PTPRN2: variants seen among roughly 807,000 people sequenced by gnomAD.
PTPRN2 encodes protein tyrosine phosphatase receptor type N2.
In PTPRN2, 74 loss-of-function variants were observed where a neutral mutation model predicts 118.8. The observed-to-expected ratio is 0.62, with a 90% CI of 0.52 to 0.76. PTPRN2 has a LOEUF of 0.76. Among genes scored for constraint, PTPRN2 ranks in the 30% least tolerant of loss-of-function variants. The pLI is 0.00. For synonymous variants in PTPRN2, 641 were observed against 608.0 expected (o/e 1.05, Z -0.80); for missense variants, 1,481 against 1,394.4 (o/e 1.06, Z -0.99).
chr7:158,460,397 A>G (rs376731433), intron 2 of PTPRN2, among the ~76,000 whole-genome samples: 41 of 32,224 alleles, frequency 1.3e-3, no homozygotes, highest in Middle Eastern at 0.026. Context: ...GCTGTGTGCC[A>G]TGAGCACAGG....
At chr7:158,166,370 C>G (rs74674657) in intron 6 of PTPRN2, among the ~76,000 whole-genome samples, 1 of 28,716 alleles carries the variant, frequency 3.5e-5, no homozygotes, top group Non-Finnish European at 8.0e-5. Context: ...CACTGGCCGC[C>G]GCGTTCCCTG....
chr7:158,154,694 C>A (rs1339480446), intron 6 of PTPRN2, among the ~76,000 whole-genome samples: 1 of 152,136 alleles, frequency 6.6e-6, no homozygotes, highest in Non-Finnish European at 1.5e-5. Flanking sequence ...CCAAAAACTA[C>A]TTCCCCTCAT....
intron 12 of PTPRN2, chr7:157,865,122 C>T: frequency 6.6e-6 from 1 of 152,466 alleles, no homozygotes; most frequent in Non-Finnish European, 1.5e-5. Flanking sequence ...GCGGTGCACT[C>T]CCTGGGTCTG....
chr7:157,795,090 A>C (rs1036517000), intron 12 of PTPRN2, among the ~76,000 whole-genome samples: 4 of 135,094 alleles, frequency 3.0e-5, no homozygotes, highest in African/African-American at 1.1e-4. Flanking sequence ...TCACCTGTGC[A>C]CCTGGGAGGC....
intron 3 of PTPRN2, among the ~76,000 whole-genome samples, chr7:158,215,245 T>A (rs188297701): frequency 6.6e-6 from 1 of 152,180 alleles, no homozygotes; most frequent in Non-Finnish European, 1.5e-5. Flanking sequence ...TGGATGCACA[T>A]AACAGAAGGA....
chr7:158,175,491 T>A (rs1010031181), intron 5 of PTPRN2, among the ~76,000 whole-genome samples: 2 of 152,214 alleles, frequency 1.3e-5, no homozygotes, highest in Non-Finnish European at 2.9e-5. Context: ...TGCCTCTGTC[T>A]CTGTCTTAAC....
chr7:158,523,220 T>C (rs1462556579), intron 1 of PTPRN2, among the ~76,000 whole-genome samples: 1 of 151,816 alleles, frequency 6.6e-6, no homozygotes, highest in Non-Finnish European at 1.5e-5. Flanking sequence ...AGCCCCAGTG[T>C]GACCAGGGGC....
chr7:158,274,243 C>T (rs1344684045), intron 3 of PTPRN2, among the ~76,000 whole-genome samples: 7 of 110,954 alleles, frequency 6.3e-5, no homozygotes, highest in East Asian at 2.7e-4. Context: ...GCCACAGACA[C>T]GGGAGCCGCA....
intron 12 of PTPRN2, among the ~76,000 whole-genome samples, chr7:157,833,506 GCC>G (rs386720212): frequency 0.044 from 6,609 of 149,378 alleles, 439 homozygotes; most frequent in East Asian, 0.15. Context: ...ATGCGACGTG[GCC>G]GGCGCCCATC....
intron 6 of PTPRN2, among the ~76,000 whole-genome samples, chr7:158,145,961 C>A (rs545676124): frequency 6.6e-6 from 1 of 152,160 alleles, no homozygotes; most frequent in Non-Finnish European, 1.5e-5. Context: ...AAAATGGTGA[C>A]AAGTGAGGCA....
chr7:158,265,813 C>A (rs1290024701), intron 3 of PTPRN2, among the ~76,000 whole-genome samples: 2 of 152,210 alleles, frequency 1.3e-5, no homozygotes, highest in African/African-American at 2.4e-5. Flanking sequence ...CCTGGCTCCC[C>A]ATCAGCAGGA....
chr7:158,547,395 C>A (rs1005920817), intron 1 of PTPRN2, among the ~76,000 whole-genome samples: 3 of 151,932 alleles, frequency 2.0e-5, no homozygotes, highest in Admixed American at 6.6e-5. Context: ...TACGTTGACT[C>A]CCCAGCCCCC....
intron 20 of PTPRN2, 111 bp downstream of exon 20, chr7:157,571,329 C>A (rs945178920): frequency 3.0e-5 from 25 of 833,714 alleles, no homozygotes; most frequent in African/African-American, 3.0e-4. Flanking sequence ...TTTAGAAGTG[C>A]CAGTTAGTTA....
rs1313061542 is a variant in PTPRN2, at chr7:157,615,817, A to G, written c.2344+5545T>C. 2.0e-5 allele frequency: 7 copies of G among 351,226 alleles called. No homozygotes were observed. The highest frequency in any genetic ancestry group is 1.1e-4 in the African/African-American group (5 of 45,530). The allele number at this position is 351,226 out of a possible 1,614,324, so 21.8% of individuals were successfully genotyped here. A position where few individuals can be genotyped will look rare whatever the true frequency, so the allele number is the denominator to read the frequency against. ...CTCCTGTTAAACTTGACTGTCACCA[A>G]CGGGGGGTGGGGGGTGCGCGAGGCC... On this transcript the variant is annotated intron_variant, in intron 15 of 22. Coordinates refer to ENST00000389418, the MANE Select transcript of PTPRN2 (RefSeq NM_002847.5). This position sits in a 1 kb window ranked among gnomAD's most constrained non-coding sequence, Gnocchi z 4.3.
At chr7:157,890,073 GTT>G (rs200464420) in intron 12 of PTPRN2, among the ~76,000 whole-genome samples, 6 of 145,330 alleles carry the variant, frequency 4.1e-5, no homozygotes, top group Non-Finnish European at 4.5e-5. Context: ...TTTTAAGTCA[GTT>G]TTTTTTTTTT....
chr7:158,424,166 G>A (rs539935532), intron 2 of PTPRN2, among the ~76,000 whole-genome samples: 1 of 152,118 alleles, frequency 6.6e-6, no homozygotes, highest in African/African-American at 2.4e-5. Context: ...TACACAAGGC[G>A]CATCCCACAG....
At chr7:157,580,504 G>GCACC (rs1800294949) in intron 17 of PTPRN2, among the ~76,000 whole-genome samples, 1 of 74,042 alleles carries the variant, frequency 1.4e-5, no homozygotes, top group African/African-American at 5.4e-5. Flanking sequence ...CCTGCACACC[G>GCACC]TGGCACCTGC....
intron 12 of PTPRN2, among the ~76,000 whole-genome samples, chr7:157,737,563 G>A (rs1330750540): frequency 6.6e-6 from 1 of 152,270 alleles, no homozygotes; most frequent in Non-Finnish European, 1.5e-5. Flanking sequence ...GCAGCAGCAA[G>A]TTCCCATCCC....
rs117708627 is a variant in PTPRN2 at position 157,763,978 on chromosome 7, G to A, written c.1789-81041C>T. On this transcript the variant is annotated intron_variant, in intron 12 of 22. Coordinates refer to ENST00000389418, the MANE Select transcript of PTPRN2 (RefSeq NM_002847.5). This position sits in a 1 kb window ranked among gnomAD's most constrained non-coding sequence, Gnocchi z 4.9. ...TGTTCGTTTGATCTTCATGATGTCC[G>A]TGAACACAGGGAAGCTTTAGTCGCA... 7.9e-5 allele frequency among the ~76,000 whole-genome samples: 12 copies of A among 152,264 alleles called. No individual in the cohort carries two copies. The East Asian group carries it at 1.5e-3, about 20-fold the overall frequency.
Sources: gnomAD v4.1 joint callset for allele counts (sites outside exome capture counted in the v4.1 genomes callset) on GRCh38, gnomAD v4.1.1 for gene constraint, Gnocchi (gnomAD v3.1) non-coding constraint, MANE v1.5 for transcripts, NCBI Gene and HGNC (gene_info 2026-07-23, HGNC 2026-07-21) for gene names.